The following KCNAB1 variants were observed in gnomAD, a reference collection of about 807,000 sequenced individuals.
KCNAB1 encodes the protein voltage-gated potassium channel subunit beta-1.
In KCNAB1, 35 loss-of-function variants were observed where a neutral mutation model predicts 64.6. The observed-to-expected ratio is 0.54, with a 90% CI of 0.41 to 0.72. The LOEUF (loss-of-function observed/expected upper bound fraction) is 0.72. Among genes scored for constraint, KCNAB1 ranks in the 30% least tolerant of loss-of-function variants. The pLI, the probability that KCNAB1 is intolerant of heterozygous loss-of-function variation, is 0.00. For missense variants in KCNAB1, 401 were observed against 512.9 expected (o/e 0.78, Z 2.11); for synonymous variants, 177 against 183.8 (o/e 0.96, Z 0.30).
chr3:156,169,918 TAC>T (rs1384858994), intron 1 of KCNAB1, among the ~76,000 whole-genome samples: 3 of 152,222 alleles, frequency 2.0e-5, no homozygotes, highest in African/African-American at 7.2e-5. Context: ...AATGGACTAA[TAC>T]AGTCTTCTTT....
chr3:156,383,744 A>C (rs1332755945), intron 1 of KCNAB1, among the ~76,000 whole-genome samples: 1 of 152,246 alleles, frequency 6.6e-6, no homozygotes, highest in East Asian at 1.9e-4. Context: ...TACAGATTTC[A>C]ATATGCTAGC....
At chr3:156,272,466 C>T (rs375137411) in intron 1 of KCNAB1, among the ~76,000 whole-genome samples, 33 of 152,152 alleles carry the variant, frequency 2.2e-4, no homozygotes, top group Admixed American at 7.2e-4. Context: ...CCCAGGCAGA[C>T]GAGTCTCGCC....
intron 1 of KCNAB1, among the ~76,000 whole-genome samples, chr3:156,351,684 G>A (rs1295365785): frequency 6.6e-6 from 1 of 152,222 alleles, no homozygotes; most frequent in Non-Finnish European, 1.5e-5. Context: ...ACAAATGAAA[G>A]GCCTTGAGAT....
chr3:156,266,464 C>T, intron 1 of KCNAB1, among the ~76,000 whole-genome samples: 1 of 152,188 alleles, frequency 6.6e-6, no homozygotes, highest in East Asian at 1.9e-4. Context: ...CAAAAAGCAC[C>T]TCTCTGCACA....
intron 1 of KCNAB1, among the ~76,000 whole-genome samples, chr3:156,264,725 A>G (rs1490278975): frequency 3.3e-5 from 5 of 152,148 alleles, no homozygotes; most frequent in Non-Finnish European, 7.4e-5. Context: ...CATGTATATA[A>G]TAATGATAAC....
chr3:156,123,481 A>C (rs1045985648), intron 1 of KCNAB1, among the ~76,000 whole-genome samples: 7 of 152,384 alleles, frequency 4.6e-5, no homozygotes, highest in African/African-American at 1.7e-4. Context: ...GGAAGAAAGC[A>C]TTAGAGTTGG....
chr3:156,160,999 T>C (rs1320558407), intron 1 of KCNAB1, among the ~76,000 whole-genome samples: 1 of 152,238 alleles, frequency 6.6e-6, no homozygotes, highest in African/African-American at 2.4e-5. Flanking sequence ...CATCCTCTTA[T>C]TCTCATTCAC....
chr3:156,282,240 G>T (rs2108505309), intron 1 of KCNAB1, among the ~76,000 whole-genome samples: 1 of 149,540 alleles, frequency 6.7e-6, no homozygotes, highest in South Asian at 2.3e-4. Context: ...AGTCATTCAG[G>T]AGCAGGTTGT....
intron 1 of KCNAB1, among the ~76,000 whole-genome samples, chr3:156,135,719 C>T (rs754252438): frequency 1.3e-5 from 2 of 152,186 alleles, no homozygotes; most frequent in Non-Finnish European, 2.9e-5. Context: ...ATTTACTTTT[C>T]ATGGTGCCAT....
At chr3:156,164,716 G>A (rs941328274) in intron 1 of KCNAB1, among the ~76,000 whole-genome samples, 4 of 152,182 alleles carry the variant, frequency 2.6e-5, no homozygotes, top group African/African-American at 9.7e-5. Flanking sequence ...CGGTACCAGT[G>A]ATGGAGATCT....
chr3:156,451,754 G>A (rs191547063), intron 2 of KCNAB1, among the ~76,000 whole-genome samples: 1 of 152,120 alleles, frequency 6.6e-6, no homozygotes, highest in African/African-American at 2.4e-5. Context: ...GATGGTGTAG[G>A]CCCCTGCTCA....
chr3:156,475,935 A>G (rs1450904328), intron 8 of KCNAB1, among the ~76,000 whole-genome samples: 1 of 152,170 alleles, frequency 6.6e-6, no homozygotes, highest in Non-Finnish European at 1.5e-5. Context: ...ACTTTCTCCT[A>G]CAGTTTTCTT....
chr3:156,248,883 T>C (rs1401429858), intron 1 of KCNAB1, among the ~76,000 whole-genome samples: 1 of 152,078 alleles, frequency 6.6e-6, no homozygotes, highest in African/African-American at 2.4e-5. Context: ...GGTGGCCGAG[T>C]GTAGAGGGCA....
In KCNAB1 at chr3:156,412,910, G is replaced by C. The variant is rs998217572; in HGVS notation, c.276-8706G>C. On this transcript the variant is annotated intron_variant, in intron 1 of 13. Transcript: ENST00000490337. The stretch of plus-strand genomic sequence containing the variant: ...ATCCAGGTTTGAGCTTCATTGTTTT[G>C]ATGGGGGCTGACCCACAGACTGACA... Among the ~76,000 whole-genome samples the C allele has an allele frequency of 7.2e-5, 11 of 152,194 alleles. 1 individual carries two copies. Among genetic ancestry groups the C allele is most frequent in the Admixed American group, 2.0e-4 (3 of 15,280 alleles).
intron 1 of KCNAB1, among the ~76,000 whole-genome samples, chr3:156,154,155 C>T (rs1577647459): frequency 6.6e-6 from 1 of 152,254 alleles, no homozygotes; most frequent in East Asian, 1.9e-4. Context: ...TTCCTGTTTC[C>T]ACTTAGAGGT....
At chr3:156,260,262 C>G (rs1718355047) in intron 1 of KCNAB1, among the ~76,000 whole-genome samples, 1 of 152,080 alleles carries the variant, frequency 6.6e-6, no homozygotes, top group African/African-American at 2.4e-5. Flanking sequence ...TTTTTAAAAA[C>G]AGTTTTATTA....
chr3:156,348,525 T>C (rs965005451), intron 1 of KCNAB1, among the ~76,000 whole-genome samples: 1 of 152,130 alleles, frequency 6.6e-6, no homozygotes, highest in Non-Finnish European at 1.5e-5. Context: ...GGTGGTGCCA[T>C]TTACTGAGTA....
chr3:156,302,496 G>A (rs148827951), intron 1 of KCNAB1, among the ~76,000 whole-genome samples: 5 of 152,270 alleles, frequency 3.3e-5, no homozygotes, highest in Admixed American at 2.6e-4. Flanking sequence ...TTGTCCAGGT[G>A]AAGCAAGGCA....
chr3:156,297,759 C>CGT (rs146355589), intron 1 of KCNAB1, among the ~76,000 whole-genome samples: 59 of 150,820 alleles, frequency 3.9e-4, no homozygotes, highest in African/African-American at 7.3e-4. Flanking sequence ...GCACTTAGCG[C>CGT]GTGTGTGTGT....
Sources: allele counts gnomAD v4.1 joint callset (sites outside exome capture counted in the v4.1 genomes callset), GRCh38; gene constraint gnomAD v4.1.1; transcripts MANE v1.5; gene names NCBI Gene and HGNC (gene_info 2026-07-23, HGNC 2026-07-21).